The following NPLOC4 variants were observed in gnomAD, a reference collection of about 807,000 sequenced individuals.
NPLOC4 encodes nuclear protein localization protein 4 homolog.
NPLOC4 carries 18 observed loss-of-function variants against 80.6 expected under a neutral mutation model. The observed-to-expected ratio is 0.22, with a 90% CI of 0.15 to 0.33. The LOEUF (loss-of-function observed/expected upper bound fraction) is 0.33. NPLOC4 is among the 10% of genes least tolerant of loss of function. The probability of loss-of-function intolerance (pLI) is 1.00; values close to 1 mark genes in which losing one functional copy is unlikely to be tolerated. For missense variants in NPLOC4, 540 were observed against 786.1 expected (o/e 0.69, Z 3.74); for synonymous variants, 313 against 301.5 (o/e 1.04, Z -0.39).
chr17:81,586,632 CA>C (rs1171009315), intron 12 of NPLOC4, among the ~76,000 whole-genome samples: 2 of 149,922 alleles, frequency 1.3e-5, no homozygotes, highest in Non-Finnish European at 3.0e-5. Context: ...AAGATGCTTG[CA>C]AAAGTTTTAA....
At chr17:81,599,999 G>A (rs1035306581) in intron 9 of NPLOC4, among the ~76,000 whole-genome samples, 2 of 152,160 alleles carry the variant, frequency 1.3e-5, no homozygotes, top group Non-Finnish European at 2.9e-5. Flanking sequence ...ATGCACAGAG[G>A]AGCCAGCAGG....
intron 14 of NPLOC4, among the ~76,000 whole-genome samples, chr17:81,568,226 G>A (rs1480084565): frequency 3.9e-5 from 6 of 152,084 alleles, no homozygotes; most frequent in Non-Finnish European, 8.8e-5. Context: ...TTTTCCTGTC[G>A]AGCTGTATTC....
intron 1 of NPLOC4, among the ~76,000 whole-genome samples, chr17:81,630,517 G>C (rs2035901391): frequency 1.3e-5 from 2 of 152,068 alleles, no homozygotes; most frequent in African/African-American, 4.8e-5. Flanking sequence ...CGGGGCTCAA[G>C]TGATCCTGCC....
intron 11 of NPLOC4, among the ~76,000 whole-genome samples, chr17:81,592,204 C>T (rs1219705181): frequency 6.6e-6 from 1 of 152,198 alleles, no homozygotes; most frequent in African/African-American, 2.4e-5. Context: ...ACCTTCCTGT[C>T]TAAGGAGGGA....
chr17:81,560,147 G>C (rs2033803839), intron 16 of NPLOC4, among the ~76,000 whole-genome samples: 1 of 152,022 alleles, frequency 6.6e-6, no homozygotes, highest in South Asian at 2.1e-4. Flanking sequence ...GCTGGGTGCA[G>C]TGGGTCACGC....
chr17:81,630,060 C>T (rs1214213064), intron 1 of NPLOC4, among the ~76,000 whole-genome samples: 1 of 151,378 alleles, frequency 6.6e-6, no homozygotes, highest in Non-Finnish European at 1.5e-5. Context: ...ACTTTAATTC[C>T]TAATCACTAT....
intron 1 of NPLOC4, 188 bp from the exon 2 acceptor site, chr17:81,629,993 A>G (rs1443920258): frequency 5.6e-6 from 3 of 535,772 alleles, no homozygotes; most frequent in Middle Eastern, 3.0e-4. Context: ...TCATCAACAT[A>G]TGGGGAGATA....
intron 13 of NPLOC4, 102 bp from the exon 14 acceptor site, chr17:81,569,213 C>A: frequency 1.4e-6 from 1 of 705,642 alleles, no homozygotes; most frequent in Non-Finnish European, 2.5e-6. Context: ...TTAACGACTC[C>A]TAGCAATTCT....
rs200764596 is a variant in NPLOC4 at position 81,559,232 on chromosome 17, G to A, written c.*27C>T. ...CTTCAGGAAGGGCTGGGCTGGGCCC[G>A]GTCCTAGCCAGCAGAGGGCAGGCGC... On this transcript the variant is annotated 3_prime_UTR_variant, in exon 17 of 17. Coordinates refer to ENST00000331134, the MANE Select transcript of NPLOC4 (RefSeq NM_017921.4). 4.6e-4 allele frequency: 719 copies of A among 1,577,522 alleles called. No individual in the cohort carries two copies. The highest frequency in any genetic ancestry group is 8.3e-4 in the East Asian group (36 of 43,238).
chr17:81,564,833 T>C (rs2033960947), intron 16 of NPLOC4: 1 of 154,506 alleles, frequency 6.5e-6, no homozygotes, highest in South Asian at 1.9e-4. Flanking sequence ...GTGTTTGATG[T>C]GTCTTTTGAA....
chr17:81,626,903 A>G (rs574366329), intron 2 of NPLOC4, among the ~76,000 whole-genome samples: 2 of 129,026 alleles, frequency 1.6e-5, no homozygotes, highest in South Asian at 2.9e-4. Context: ...CAGACTGGCC[A>G]ACATAGTGAA....
rs746701777 is a variant in NPLOC4 at position 81,572,104 on chromosome 17, G to A, written c.1282-16C>T. 6.3e-7 allele frequency: 1 copy of A among 1,585,810 alleles called. No individual in the cohort carries two copies. Among genetic ancestry groups the A allele is most frequent in the African/African-American group, 1.3e-5 (1 of 74,204 alleles). On this transcript the variant is annotated splice_polypyrimidine_tract_variant and intron_variant, in intron 12 of 16. Coordinates refer to ENST00000331134, the MANE Select transcript of NPLOC4 (RefSeq NM_017921.4). This position sits in a 1 kb window ranked among gnomAD's most constrained non-coding sequence, Gnocchi z 4.5. The stretch of plus-strand genomic sequence containing the variant: ...TGTCTACGTCCTGCAATAGTCAGAG[G>A]GGAACAGCGGTGAGCAAAGACGATC...
chr17:81,625,129 C>T (rs887731272), intron 2 of NPLOC4, among the ~76,000 whole-genome samples: 1 of 151,984 alleles, frequency 6.6e-6, no homozygotes, highest in Non-Finnish European at 1.5e-5. Flanking sequence ...ATCACCAGGC[C>T]CAGCTGACGA....
chr17:81,592,399 G>A lies in NPLOC4; in HGVS notation c.1121-3295C>T, dbSNP rs189018009. 1.1e-3 allele frequency among the ~76,000 whole-genome samples: 171 copies of A among 152,262 alleles called. 1 individual carries two copies. Among genetic ancestry groups the A allele is most frequent in the African/African-American group, 3.6e-4 (15 of 41,564 alleles). Reference sequence around the variant, plus strand: ...CACTCCTCAGTCGGCCACCACCCTCGGGAAAGGGAGACCATGGCAAGTCTG... The same window carrying A: ...CACTCCTCAGTCGGCCACCACCCTCAGGAAAGGGAGACCATGGCAAGTCTG... On this transcript the variant is annotated intron_variant, in intron 11 of 16. Transcript: ENST00000331134.
At position 81,567,423 on chromosome 17, in the gene NPLOC4, A is replaced by T; in HGVS notation, c.1560T>A (p.Pro520=). ...LLFLVTNEVM[P]LQDSISLLLE... ...ACCACACTTGGACACGCACCTGCAGAGGCATAACTTCATTGGTGACCAGGA... is the reference window on the plus strand; with the variant it reads ...ACCACACTTGGACACGCACCTGCAGTGGCATAACTTCATTGGTGACCAGGA... The change falls in exon 15 of 17, where the codon CCT becomes CCA. Residue 520 remains proline (P), a synonymous_variant. Transcript: ENST00000331134. The surrounding 1 kb of genome is among the most constrained non-coding windows in gnomAD (Gnocchi z 4.5). 1 of 1,604,400 alleles carries T rather than the reference A, an allele frequency of 6.2e-7. No homozygotes were observed. Among genetic ancestry groups the T allele is most frequent in the Non-Finnish European group, 8.5e-7 (1 of 1,171,586 alleles).
chr17:81,573,050 G>C (rs1293888980), intron 12 of NPLOC4, among the ~76,000 whole-genome samples: 1 of 152,130 alleles, frequency 6.6e-6, no homozygotes, highest in Non-Finnish European at 1.5e-5. Context: ...AATTAGATCT[G>C]ATTTATGTCA....
intron 16 of NPLOC4, chr17:81,564,118 A>AC (rs1568114631): frequency 6.5e-5 from 21 of 323,756 alleles, no homozygotes; most frequent in Non-Finnish European, 9.2e-5. Flanking sequence ...ACACACACAC[A>AC]AAGAGCAGGG....
intron 12 of NPLOC4, among the ~76,000 whole-genome samples, chr17:81,574,925 T>C (rs1437448152): frequency 6.6e-6 from 1 of 152,168 alleles, no homozygotes; most frequent in African/African-American, 2.4e-5. Context: ...GTGGGCTTTA[T>C]GCCAGGACAA....
intron 2 of NPLOC4, among the ~76,000 whole-genome samples, chr17:81,627,071 C>T (rs2035813208): frequency 6.7e-6 from 1 of 149,618 alleles, no homozygotes; most frequent in Non-Finnish European, 1.5e-5. Context: ...GCTTGGGCGA[C>T]ACAATGAGAC....
Sources: allele counts gnomAD v4.1 joint callset (sites outside exome capture counted in the v4.1 genomes callset), GRCh38; gene constraint gnomAD v4.1.1; non-coding constraint Gnocchi (gnomAD v3.1); transcripts MANE v1.5; gene names NCBI Gene and HGNC (gene_info 2026-07-23, HGNC 2026-07-21).